Variants in DNAH5 observed in about 807,000 individuals in gnomAD.
DNAH5 encodes the protein axonemal beta dynein heavy chain 5.
A neutral mutation model predicts 518.2 loss-of-function variants in DNAH5; 372 were observed. The ratio of observed to expected loss-of-function variants is 0.72; its 90% CI spans 0.66 to 0.78. DNAH5 has a LOEUF of 0.78. Ranked by LOEUF, DNAH5 falls within the 30% of genes least tolerant of loss-of-function variation. The pLI, the probability that DNAH5 is intolerant of heterozygous loss-of-function variation, is 0.00. For missense variants in DNAH5, 5,523 were observed against 5,687.0 expected (o/e 0.97, Z 0.93); for synonymous variants, 2,039 against 2,025.9 (o/e 1.01, Z -0.17).
chr5:13,858,419 G>A (rs763079753), intron 30 of DNAH5, among the ~76,000 whole-genome samples: 1 of 152,122 alleles, frequency 6.6e-6, no homozygotes, highest in East Asian at 1.9e-4. Flanking sequence ...GGCCTGTCAG[G>A]GGGTGTGGGG....
At chr5:13,980,986 C>T (rs984825599) in intron 1 of DNAH5, among the ~76,000 whole-genome samples, 1 of 152,224 alleles carries the variant, frequency 6.6e-6, no homozygotes, top group Non-Finnish European at 1.5e-5. Context: ...TGCTCAAATG[C>T]TCCCTTACCA....
At chr5:13,748,294 T>C (rs1009075238) in intron 65 of DNAH5, among the ~76,000 whole-genome samples, 1 of 152,220 alleles carries the variant, frequency 6.6e-6, no homozygotes, top group African/African-American at 2.4e-5. Flanking sequence ...TTGTAGTATG[T>C]TTGAAGTCAG....
At chr5:13,959,294 A>G (rs573905816) in intron 1 of DNAH5, among the ~76,000 whole-genome samples, 2 of 152,236 alleles carry the variant, frequency 1.3e-5, no homozygotes, top group African/African-American at 4.8e-5. Flanking sequence ...GCAGAACTCC[A>G]AACTGCAGAT....
chr5:13,960,354 A>T lies in DNAH5; in HGVS notation c.13-29110T>A, dbSNP rs118117970. Reference sequence around the variant, plus strand: ...TAGGCACTGATGGGCTCACATCGTCATCATCTTGCTGGGGTATGATTGAAA... The same window carrying T: ...TAGGCACTGATGGGCTCACATCGTCTTCATCTTGCTGGGGTATGATTGAAA... On this transcript the variant is annotated intron_variant, in intron 1 of 78. Transcript: ENST00000681290. Among the ~76,000 whole-genome samples, 212 of 152,322 alleles carry T rather than the reference A, an allele frequency of 1.4e-3. 6 individuals are homozygous for T. The East Asian group carries it at 0.038, about 27-fold the overall frequency.
chr5:13,713,138 C>CATATATATACCGACAT (rs1369025027), intron 75 of DNAH5, among the ~76,000 whole-genome samples: 8 of 142,086 alleles, frequency 5.6e-5, no homozygotes, highest in Non-Finnish European at 1.1e-4. Context: ...CACACACTGA[C>CATATATATACCGACAT]ATATATATAC....
At chr5:13,916,910 C>T (rs562117094) in intron 8 of DNAH5, among the ~76,000 whole-genome samples, 3 of 152,172 alleles carry the variant, frequency 2.0e-5, no homozygotes, top group Admixed American at 2.0e-4. Flanking sequence ...AATATAACAT[C>T]TCATATACAT....
chr5:13,866,320 GT>G (rs1299491347), intron 25 of DNAH5, 38 bp from the exon 26 acceptor site: 4 of 1,553,216 alleles, frequency 2.6e-6, no homozygotes, highest in Non-Finnish European at 3.5e-6. Flanking sequence ...AGAAGGAAGT[GT>G]TTGCATATAA....
intron 78 of DNAH5, among the ~76,000 whole-genome samples, chr5:13,697,884 C>T (rs116625554): frequency 1.1e-4 from 17 of 152,338 alleles, no homozygotes; most frequent in African/African-American, 4.1e-4. Flanking sequence ...AATTATCTTA[C>T]ACTCAAACCA....
intron 11 of DNAH5, among the ~76,000 whole-genome samples, chr5:13,912,593 AT>A (rs1384841734): frequency 3.3e-5 from 5 of 151,696 alleles, no homozygotes; most frequent in African/African-American, 1.2e-4. Flanking sequence ...ATATATACAC[AT>A]ATATACATAC....
At chr5:14,008,289 A>AAGGAGGGAGGGAGGGAAGGAGGAGGGG (rs1784870663) in intron 1 of DNAH5, among the ~76,000 whole-genome samples, 6 of 151,362 alleles carry the variant, frequency 4.0e-5, no homozygotes, top group African/African-American at 1.2e-4. Flanking sequence ...AAGAGGAAGA[A>AAGGAGGGAGGGAGGGAAGGAGGAGGGG]ATGAGGGAGA....
At chr5:13,721,706 A>T (rs1258077149) in intron 70 of DNAH5, among the ~76,000 whole-genome samples, 1 of 152,208 alleles carries the variant, frequency 6.6e-6, no homozygotes, top group East Asian at 1.9e-4. Context: ...TGTTGAATGA[A>T]TGAATTAGTT....
chr5:13,901,552 A>G lies in DNAH5; in HGVS notation c.1752T>C (p.Gly584=), dbSNP rs201028861. 361 of 1,612,926 alleles carry G rather than the reference A, an allele frequency of 2.2e-4. 1 individual carries two copies. Among genetic ancestry groups the G allele is most frequent in the Admixed American group, 3.3e-4 (20 of 60,002 alleles). Residue 584 remains glycine (G), a synonymous_variant, in exon 14 of 79, where the codon GGT becomes GGC. Transcript: ENST00000265104. ...GGATAAGTTGATATTTGTCATCAAT[A>G]CCAAGATTAGGTATATTCAATCTGA... The part of the protein sequence containing the change: ...KFERLNIPNL[G]IDDKYQLILE...
chr5:13,903,234 C>G (rs1774894910), intron 12 of DNAH5, among the ~76,000 whole-genome samples: 1 of 151,692 alleles, frequency 6.6e-6, no homozygotes, highest in Non-Finnish European at 1.5e-5. Flanking sequence ...TTATAAACAC[C>G]TGAAAAGAAA....
In DNAH5 at chr5:13,753,332, T is replaced by A. The variant is rs1255675070; in HGVS notation, c.10773A>T (p.Gly3591=). ...AACGAGATGCCTTCGTGACAATAAT[T>A]CCATTTTGAATGGACAAGTCATCAT... The part of the protein sequence containing the change: ...LPNDDLSIQN[G]IIVTKASRYP... Residue 3591 remains glycine, a synonymous_variant, in exon 63 of 79, where the codon GGA becomes GGT. Coordinates refer to ENST00000265104, the MANE Select transcript of DNAH5 (RefSeq NM_001369.3). 3 of 1,613,966 alleles carry A rather than the reference T, an allele frequency of 1.9e-6. No homozygotes were observed. In the South Asian group the frequency reaches 3.3e-5, roughly 18 times the overall value.
chr5:13,740,596 T>G (rs561449795), intron 65 of DNAH5, among the ~76,000 whole-genome samples: 9 of 152,240 alleles, frequency 5.9e-5, no homozygotes, highest in Non-Finnish European at 1.2e-4. Flanking sequence ...TCTGGGAATT[T>G]GCACTTCTAA....
At chr5:13,917,365 A>C in intron 7 of DNAH5, 109 bp from the exon 8 acceptor site, 1 of 801,050 alleles carries the variant, frequency 1.2e-6, no homozygotes, top group South Asian at 1.4e-5. Context: ...CCTTCTGTCC[A>C]TCTCACAGAA....
At chr5:13,730,709 T>A (rs1395090248) in intron 68 of DNAH5, among the ~76,000 whole-genome samples, 2 of 151,490 alleles carry the variant, frequency 1.3e-5, no homozygotes, top group Non-Finnish European at 2.9e-5. Flanking sequence ...GCTGTTATTT[T>A]TTTTTTTTTT....
intron 37 of DNAH5, 124 bp downstream of exon 37, chr5:13,829,902 C>CCATTCAAG: frequency 2.2e-6 from 1 of 459,056 alleles, no homozygotes; most frequent in Non-Finnish European, 3.1e-6. Flanking sequence ...AAAAGGTTTT[C>CCATTCAAG]AAAAGGAGGT....
upstream of DNAH5, among the ~76,000 whole-genome samples, chr5:13,946,648 G>A (rs1014436918): frequency 6.6e-6 from 1 of 152,196 alleles, no homozygotes; most frequent in African/African-American, 2.4e-5. Flanking sequence ...GGACTCACAC[G>A]AGGGAGGTCT....
Sources: allele counts gnomAD v4.1 joint callset (sites outside exome capture counted in the v4.1 genomes callset), GRCh38; gene constraint gnomAD v4.1.1; transcripts MANE v1.5; gene names NCBI Gene and HGNC (gene_info 2026-07-23, HGNC 2026-07-21).